SIN3A: variants seen among roughly 807,000 people sequenced by gnomAD.
SIN3A encodes paired amphipathic helix protein Sin3a.
SIN3A carries 14 observed loss-of-function variants against 146.1 expected under a neutral mutation model. The ratio of observed to expected loss-of-function variants is 0.10; its 90% CI spans 0.06 to 0.15. The LOEUF (loss-of-function observed/expected upper bound fraction) is 0.15, where lower values mean the gene tolerates loss of function less well. SIN3A is among the 10% of genes least tolerant of loss of function. The pLI, the probability that SIN3A is intolerant of heterozygous loss-of-function variation, is 1.00. For missense variants in SIN3A, 1,028 were observed against 1,576.0 expected (o/e 0.65, Z 5.89); for synonymous variants, 572 against 572.0 (o/e 1.00, Z 0.00).
At chr15:75,377,186 C>T (rs2072878448) in intron 19 of SIN3A, among the ~76,000 whole-genome samples, 1 of 152,182 alleles carries the variant, frequency 6.6e-6, no homozygotes, top group Non-Finnish European at 1.5e-5. Context: ...ATACAGTTGT[C>T]AAACTCTGTT....
At chr15:75,423,407 G>A (rs1048212042) in intron 2 of SIN3A, among the ~76,000 whole-genome samples, 1 of 152,136 alleles carries the variant, frequency 6.6e-6, no homozygotes, top group African/African-American at 2.4e-5. Context: ...AGCCGGGCAC[G>A]GTGGCTCATG....
At chr15:75,434,655 A>T (rs1379450303) in intron 1 of SIN3A, among the ~76,000 whole-genome samples, 2 of 150,764 alleles carry the variant, frequency 1.3e-5, no homozygotes, top group South Asian at 2.1e-4. Context: ...CTCAAAAAAA[A>T]AAAAAATAAA....
At chr15:75,380,373 G>T (rs892789954) in intron 19 of SIN3A, among the ~76,000 whole-genome samples, 3 of 152,126 alleles carry the variant, frequency 2.0e-5, no homozygotes, top group African/African-American at 7.2e-5. Context: ...TCGAACCATG[G>T]AGACTCTGAC....
intron 3 of SIN3A, 36 bp from the exon 4 acceptor site, chr15:75,414,347 A>C (rs769507717): frequency 6.7e-6 from 8 of 1,191,562 alleles, no homozygotes; most frequent in Middle Eastern, 2.1e-4. Flanking sequence ...TATAAAAAGA[A>C]AGTAAGCTCA....
intron 1 of SIN3A, among the ~76,000 whole-genome samples, chr15:75,437,364 G>A (rs899397071): frequency 6.6e-5 from 10 of 151,980 alleles, no homozygotes; most frequent in Admixed American, 3.3e-4. Context: ...ACAGGGTCTC[G>A]ATATGCTGCC....
chr15:75,439,452 G>A (rs552192448), intron 1 of SIN3A, among the ~76,000 whole-genome samples: 7 of 151,218 alleles, frequency 4.6e-5, no homozygotes, highest in East Asian at 3.9e-4. Flanking sequence ...GCCATTCTTC[G>A]GCCTCAGCCT....
At chr15:75,438,970 T>C (rs1224172002) in intron 1 of SIN3A, among the ~76,000 whole-genome samples, 2 of 152,194 alleles carry the variant, frequency 1.3e-5, no homozygotes, top group Non-Finnish European at 2.9e-5. Context: ...AGGCACTCTA[T>C]TTAGATTTCA....
intron 1 of SIN3A, among the ~76,000 whole-genome samples, chr15:75,445,508 T>C (rs967228584): frequency 1.0e-4 from 15 of 148,748 alleles, no homozygotes; most frequent in Admixed American, 4.0e-4. Context: ...TGAGCTGAGA[T>C]TGTGCCAAGC....
Position 75,400,817 on chromosome 15 carries a change from A to G in SIN3A, c.1650T>C (p.Ser550=), listed in dbSNP as rs2073397946. The G allele has an allele frequency of 8.7e-6, 14 of 1,614,188 alleles. No individual in the cohort carries two copies. Among genetic ancestry groups the G allele is most frequent in the Non-Finnish European group, 1.1e-5 (13 of 1,180,048 alleles). The stretch of plus-strand genomic sequence containing the variant: ...GATAGCTGGAGCCCAATCGTTTACA[A>G]GAAGCATAATCTATCTCCATAGCAA... ...EGIAMEIDYA[S]CKRLGSSYRA... Residue 550 remains serine (S), a synonymous_variant, in exon 11 of 21, where the codon TCT becomes TCC. Transcript: ENST00000394947.
At chr15:75,434,106 CAGAAG>C (rs1220804936) in intron 1 of SIN3A, among the ~76,000 whole-genome samples, 1 of 152,236 alleles carries the variant, frequency 6.6e-6, no homozygotes, top group African/African-American at 2.4e-5. Context: ...TTACCTCTCA[CAGAAG>C]AGAAGAAGTG....
At chr15:75,445,258 G>C (rs2074284512) in intron 1 of SIN3A, among the ~76,000 whole-genome samples, 1 of 151,448 alleles carries the variant, frequency 6.6e-6, no homozygotes, top group African/African-American at 2.4e-5. Flanking sequence ...GGTGGCGCCT[G>C]TGATCCCAGC....
chr15:75,401,970 C>A lies in SIN3A; in HGVS notation c.1408G>T (p.Val470Phe). 1 of 1,583,532 alleles carries A rather than the reference C, an allele frequency of 6.3e-7. No homozygotes were observed. The highest frequency in any genetic ancestry group is 8.7e-7 in the Non-Finnish European group (1 of 1,154,138). Residue 470 changes from valine to phenylalanine, a missense_variant and splice_region_variant, in exon 10 of 21, where the codon GTC becomes TTC. Physicochemically the swap from Val to Phe is conservative, Grantham distance 50. Coordinates refer to ENST00000394947, the MANE Select transcript of SIN3A (RefSeq NM_001145358.2). ...TCTGCACTCCGAAGAGCCTTTCGGACCTTATGGAGACAACGGGAAGAAAAA... is the reference window on the plus strand; with the variant it reads ...TCTGCACTCCGAAGAGCCTTTCGGAACTTATGGAGACAACGGGAAGAAAAA... Reference protein sequence around the residue: ...GGTESLFFDKVRKALRSAEAY... With the variant: ...GGTESLFFDKFRKALRSAEAY...
At chr15:75,449,686 G>A (rs1021151995) in intron 1 of SIN3A, among the ~76,000 whole-genome samples, 3 of 152,184 alleles carry the variant, frequency 2.0e-5, no homozygotes, top group Non-Finnish European at 4.4e-5. Context: ...TAAATAGAAA[G>A]TGGTCTAGAT....
chr15:75,402,915 G>A (rs981645921), intron 9 of SIN3A, among the ~76,000 whole-genome samples: 3 of 151,932 alleles, frequency 2.0e-5, no homozygotes, highest in Admixed American at 6.6e-5. Context: ...GATTACAGGC[G>A]TTTGAGCCAC....
rs150503184 is a variant in SIN3A at position 75,375,738 on chromosome 15, G to T, written c.3518C>A (p.Ser1173Tyr). 1 of 1,613,948 alleles carries T rather than the reference G, an allele frequency of 6.2e-7. No individual in the cohort carries two copies. Among genetic ancestry groups the T allele is most frequent in the African/African-American group, 1.3e-5 (1 of 74,864 alleles). ...DKLECRFKLNSYKMVYVIKSE... is the reference protein window; with the variant it reads ...DKLECRFKLNYYKMVYVIKSE... ...TTTGATCACATACACCATCTTGTAG[G>T]AATTCAGCTTGAATCTACACTCCAG... The change falls in exon 20 of 21, where the codon TCC becomes TAC. Residue 1173 changes from serine to tyrosine, a missense_variant. This residue lies in a region of SIN3A where 488 missense variants were observed against 690.2 expected (regional missense o/e 0.71). Transcript: ENST00000394947.
chr15:75,440,237 G>T (rs1336585738), intron 1 of SIN3A, among the ~76,000 whole-genome samples: 3 of 144,076 alleles, frequency 2.1e-5, no homozygotes, highest in Admixed American at 7.0e-5. Flanking sequence ...TAGCAAATTT[G>T]TTTTTTTTTT....
intron 8 of SIN3A, 61 bp downstream of exon 8, chr15:75,409,775 A>G (rs954531652): frequency 2.4e-5 from 38 of 1,551,782 alleles, no homozygotes; most frequent in Non-Finnish European, 3.0e-5. Flanking sequence ...CCACCTCTAG[A>G]GTACCTCTCC....
upstream of SIN3A, among the ~76,000 whole-genome samples, chr15:75,452,504 T>G (rs2141654847): frequency 6.6e-6 from 1 of 152,358 alleles, no homozygotes; most frequent in South Asian, 2.1e-4. Flanking sequence ...TTCTACACAC[T>G]GCGTCCTTGT....
chr15:75,390,073 C>T (rs1164923781), intron 15 of SIN3A, among the ~76,000 whole-genome samples: 1 of 152,182 alleles, frequency 6.6e-6, no homozygotes, highest in African/African-American at 2.4e-5. Context: ...TAGAAAGATA[C>T]TTCTTTATGG....
Sources: gnomAD v4.1 joint callset for allele counts (sites outside exome capture counted in the v4.1 genomes callset) on GRCh38, gnomAD v4.1.1 for gene constraint, gnomAD v4.1.1 regional missense constraint, MANE v1.5 for transcripts, NCBI Gene and HGNC (gene_info 2026-07-23, HGNC 2026-07-21) for gene names.